TAFA1: variants seen among roughly 807,000 people sequenced by gnomAD.
The protein encoded by TAFA1 is TAFA chemokine like family member 1.
TAFA1 carries 4 observed loss-of-function variants against 18.5 expected under a neutral mutation model. The observed-to-expected ratio is 0.22, with a 90% CI of 0.11 to 0.49. The LOEUF (loss-of-function observed/expected upper bound fraction) is 0.49, where lower values mean the gene tolerates loss of function less well. Ranked by LOEUF, TAFA1 falls within the 20% of genes least tolerant of loss-of-function variation. TAFA1 has a pLI of 0.98. For synonymous variants in TAFA1, 56 were observed against 55.2 expected (o/e 1.01, Z -0.06); for missense variants, 147 against 169.0 (o/e 0.87, Z 0.72).
chr3:68,442,447 C>T (rs979730755), intron 3 of TAFA1, among the ~76,000 whole-genome samples: 1 of 152,132 alleles, frequency 6.6e-6, no homozygotes, highest in Non-Finnish European at 1.5e-5. Flanking sequence ...GCAGAGCACT[C>T]ATGTGACTCA....
chr3:68,417,898 G>C (rs959604582), intron 3 of TAFA1, among the ~76,000 whole-genome samples: 7 of 152,074 alleles, frequency 4.6e-5, no homozygotes, highest in Middle Eastern at 3.2e-3. Context: ...GAGAGCCAAG[G>C]GGGAGGTACT....
At chr3:68,511,690 T>C (rs2072848289) in intron 3 of TAFA1, among the ~76,000 whole-genome samples, 2 of 152,072 alleles carry the variant, frequency 1.3e-5, no homozygotes, top group African/African-American at 2.4e-5. Context: ...TAGTTGAATG[T>C]TTTCCTGGTA....
At chr3:68,316,948 A>G (rs2068615025) in intron 2 of TAFA1, among the ~76,000 whole-genome samples, 1 of 152,110 alleles carries the variant, frequency 6.6e-6, no homozygotes, top group Non-Finnish European at 1.5e-5. Context: ...TTCTGACTCT[A>G]TTTTTTTCAA....
intron 2 of TAFA1, among the ~76,000 whole-genome samples, chr3:68,065,644 T>C (rs1228359919): frequency 1.3e-5 from 2 of 151,836 alleles, no homozygotes; most frequent in East Asian, 1.9e-4. Flanking sequence ...GAGACATAGA[T>C]GAATTTGTAT....
intron 2 of TAFA1, among the ~76,000 whole-genome samples, chr3:68,068,976 T>G (rs1337497147): frequency 6.6e-6 from 1 of 152,216 alleles, no homozygotes; most frequent in East Asian, 1.9e-4. Flanking sequence ...CTCTGCCCTT[T>G]GAGAGTTTAA....
chr3:68,052,832 T>C (rs1248840236), intron 2 of TAFA1, among the ~76,000 whole-genome samples: 1 of 152,184 alleles, frequency 6.6e-6, no homozygotes, highest in East Asian at 1.9e-4. Context: ...TGAACACATG[T>C]CAAAGATTTA....
At chr3:68,368,576 GATT>G (rs1289517830) in intron 2 of TAFA1, among the ~76,000 whole-genome samples, 1 of 3,438 alleles carries the variant, frequency 2.9e-4, no homozygotes, top group African/African-American at 7.6e-4. Context: ...GCCATCTTGA[GATT>G]TTTTTTTTTT....
intron 2 of TAFA1, among the ~76,000 whole-genome samples, chr3:68,307,871 A>G (rs1300040500): frequency 2.0e-5 from 3 of 152,192 alleles, no homozygotes; most frequent in African/African-American, 7.2e-5. Flanking sequence ...AGAAATGGCT[A>G]ATCAGTGTGC....
At chr3:68,091,823 T>C (rs1448047234) in intron 2 of TAFA1, among the ~76,000 whole-genome samples, 1 of 152,126 alleles carries the variant, frequency 6.6e-6, no homozygotes, top group African/African-American at 2.4e-5. Context: ...ACAAGAACTC[T>C]AATCATTTAA....
At chr3:68,519,025 G>A (rs370892749) in intron 3 of TAFA1, among the ~76,000 whole-genome samples, 6 of 152,208 alleles carry the variant, frequency 3.9e-5, no homozygotes, top group African/African-American at 4.8e-5. Context: ...TGATACATTC[G>A]TTTATATATA....
chr3:68,045,534 T>C (rs952207453), intron 2 of TAFA1, among the ~76,000 whole-genome samples: 1 of 152,184 alleles, frequency 6.6e-6, no homozygotes, highest in Non-Finnish European at 1.5e-5. Flanking sequence ...AAGCTCCTCC[T>C]GTAAGCCTTG....
chr3:68,273,538 A>G (rs911842776), intron 2 of TAFA1, among the ~76,000 whole-genome samples: 5 of 152,240 alleles, frequency 3.3e-5, no homozygotes, highest in Non-Finnish European at 5.9e-5. Flanking sequence ...AGGTAAGATT[A>G]CCAAGGTAAG....
chr3:68,239,581 T>C (rs1284411860), intron 2 of TAFA1, among the ~76,000 whole-genome samples: 2 of 152,192 alleles, frequency 1.3e-5, no homozygotes, highest in Non-Finnish European at 2.9e-5. Context: ...ATGATATTAC[T>C]AGCATTTGAA....
At chr3:67,997,240 T>G in the TAFA1 span, among the ~76,000 whole-genome samples, 1 of 152,140 alleles carries the variant, frequency 6.6e-6, no homozygotes, top group African/African-American at 2.4e-5. Context: ...ACCAAATAAA[T>G]CAAATTTAAT....
At chr3:68,353,145 G>A (rs1328532053) in intron 2 of TAFA1, among the ~76,000 whole-genome samples, 5 of 151,948 alleles carry the variant, frequency 3.3e-5, no homozygotes, top group Admixed American at 6.6e-5. Context: ...CACTGGGCTG[G>A]AATTAAGTCA....
At chr3:68,141,419 T>C (rs180929792) in intron 2 of TAFA1, among the ~76,000 whole-genome samples, 2 of 152,270 alleles carry the variant, frequency 1.3e-5, no homozygotes, top group Admixed American at 1.3e-4. Context: ...AAACCCTTTA[T>C]TAAGAGAGAG....
chr3:68,376,283 A>T (rs1247490576), intron 2 of TAFA1, among the ~76,000 whole-genome samples: 25 of 151,216 alleles, frequency 1.7e-4, no homozygotes, highest in African/African-American at 5.8e-4. Context: ...GTTCAGGGGT[A>T]CATATGCAGG....
At chr3:68,165,748 C>A (rs978462202) in intron 2 of TAFA1, among the ~76,000 whole-genome samples, 13 of 152,202 alleles carry the variant, frequency 8.5e-5, no homozygotes, top group Admixed American at 8.5e-4. Flanking sequence ...ACTAAACAGA[C>A]AAAACCCTCC....
chr3:68,249,841 T>G (rs955047415), intron 2 of TAFA1, among the ~76,000 whole-genome samples: 1 of 152,124 alleles, frequency 6.6e-6, no homozygotes, highest in Non-Finnish European at 1.5e-5. Context: ...TTTGTTGGGT[T>G]TTTTTGTGAG....
Sources: allele counts gnomAD v4.1 joint callset (sites outside exome capture counted in the v4.1 genomes callset), GRCh38; gene constraint gnomAD v4.1.1; transcripts MANE v1.5; gene names NCBI Gene and HGNC (gene_info 2026-07-23, HGNC 2026-07-21).